PCDHGA2: variants seen among roughly 807,000 people sequenced by gnomAD.
The protein encoded by PCDHGA2 is protocadherin gamma-A2.
Under a neutral mutation model 59.2 loss-of-function variants are expected in PCDHGA2, and 40 were observed. The ratio of observed to expected loss-of-function variants is 0.68; its 90% CI spans 0.52 to 0.88. The LOEUF (loss-of-function observed/expected upper bound fraction) is 0.88, where lower values mean the gene tolerates loss of function less well. PCDHGA2 is among the 40% of genes least tolerant of loss of function. PCDHGA2 has a pLI of 0.00. For synonymous variants in PCDHGA2, 560 were observed against 526.0 expected, an observed-to-expected ratio of 1.06 and a Z score of -0.89; for missense variants, 1,226 against 1,204.0, an observed-to-expected ratio of 1.02 and a Z score of -0.27.
chr5:141,379,104 A>C (rs955091727), intron 1 of PCDHGA2: 1 of 152,246 alleles, frequency 6.6e-6, no homozygotes, highest in Admixed American at 6.5e-5. Flanking sequence ...AGAAAAAAGC[A>C]ATTGAGAAGA....
intron 1 of PCDHGA2, chr5:141,399,277 G>T: frequency 6.2e-7 from 1 of 1,613,890 alleles, no homozygotes; most frequent in Non-Finnish European, 8.5e-7. Flanking sequence ...TCAATTACAA[G>T]GCGAAGTCCC....
At chr5:141,394,506 C>T (rs1487868399) in intron 1 of PCDHGA2, 1 of 1,614,096 alleles carries the variant, frequency 6.2e-7, no homozygotes, top group Non-Finnish European at 8.5e-7. Flanking sequence ...GATCCTGTAC[C>T]CCGCCCTCCC....
Position 141,505,474 on chromosome 5 carries a change from C to T in PCDHGA2, c.2565C>T (p.Ser855=), listed in dbSNP as rs751690779. The stretch of plus-strand genomic sequence containing the variant: ...TGCTGCAAGCCATGATCTTGGCGTC[C>T]GCCAGTGGTAAGTGGTGTCAGTGTG... ...TEMLQAMILA[S]ASEAADGSST... Residue 855 remains serine, a synonymous_variant, in exon 3 of 4, where the codon TCC becomes TCT. Transcript: ENST00000394576. 2.2e-5 allele frequency: 36 copies of T among 1,614,090 alleles called. No individual in the cohort carries two copies. The highest frequency in any genetic ancestry group is 5.3e-5 in the African/African-American group (4 of 74,934).
Position 141,364,604 on chromosome 5 carries a change from C to G in PCDHGA2, c.2424+23209C>G, listed in dbSNP as rs370007558. On this transcript the variant is annotated intron_variant, in intron 1 of 3. Transcript: ENST00000394576. ...CTTGGTCACCGCGGGCAGGATAGAC[C>G]GGGAGGAGCTCTGCGCTCAGAGCCC... 4.1e-5 allele frequency: 66 copies of G among 1,614,044 alleles called. No individual in the cohort carries two copies. Among genetic ancestry groups the G allele is most frequent in the Non-Finnish European group, 5.3e-5 (63 of 1,180,004 alleles).
chr5:141,370,759 T>A, intron 1 of PCDHGA2: 1 of 1,614,022 alleles, frequency 6.2e-7, no homozygotes, highest in Non-Finnish European at 8.5e-7. Context: ...GTAACTGTGC[T>A]GATCCAGGAT....
rs774172640 is a variant in PCDHGA2 at position 141,350,450 on chromosome 5, C to G, written c.2424+9055C>G. 5 of 1,611,784 alleles carry G rather than the reference C, an allele frequency of 3.1e-6. No homozygotes were observed. The Admixed American group carries it at 5.0e-5, about 16-fold the overall frequency. ...TGTCCGGGAGTTGCCAACTCGAAAA[C>G]TGCGGGTTAGTGCAGAGGATTATTT... is the stretch of plus-strand genomic sequence containing the variant. On this transcript the variant is annotated intron_variant, in intron 1 of 3. Transcript: ENST00000394576.
At chr5:141,473,270 T>C (rs538574742) in intron 1 of PCDHGA2, among the ~76,000 whole-genome samples, 4 of 152,326 alleles carry the variant, frequency 2.6e-5, no homozygotes, top group African/African-American at 9.6e-5. Context: ...GTGTATGCTA[T>C]GATTATTTTA....
intron 1 of PCDHGA2, chr5:141,342,120 A>G (rs1413472452): frequency 6.7e-6 from 1 of 148,998 alleles, no homozygotes; most frequent in East Asian, 2.0e-4. Flanking sequence ...CTTTTTTTTT[A>G]TCTTTCTCAT....
At chr5:141,392,870 G>T (rs757363357) in intron 1 of PCDHGA2, 8 of 1,613,226 alleles carry the variant, frequency 5.0e-6, no homozygotes, top group Non-Finnish European at 6.8e-6. Context: ...TGTGCGCGCT[G>T]CTGGGAACGC....
chr5:141,383,347 G>A, intron 1 of PCDHGA2: 1 of 1,614,012 alleles, frequency 6.2e-7, no homozygotes, highest in Non-Finnish European at 8.5e-7. Context: ...AGCTCCTGGG[G>A]TTCGGTTTCC....
chr5:141,389,182 G>T, intron 1 of PCDHGA2: 1 of 1,614,032 alleles, frequency 6.2e-7, no homozygotes, highest in Non-Finnish European at 8.5e-7. Flanking sequence ...CTCTCCTCCA[G>T]TTCCAGCATC....
chr5:141,395,716 T>C (rs2093303538), intron 1 of PCDHGA2: 1 of 154,332 alleles, frequency 6.5e-6, no homozygotes, highest in Non-Finnish European at 1.4e-5. Context: ...AACTAGGCTC[T>C]TGTAGATTTC....
At chr5:141,394,833 G>A (rs867584109) in intron 1 of PCDHGA2, 1 of 1,613,848 alleles carries the variant, frequency 6.2e-7, no homozygotes, top group South Asian at 1.1e-5. Flanking sequence ...AGTCCTGACC[G>A]AGTTGGGCAG....
At chr5:141,355,399 G>T in intron 1 of PCDHGA2, 1 of 1,614,086 alleles carries the variant, frequency 6.2e-7, no homozygotes, top group Non-Finnish European at 8.5e-7. Flanking sequence ...AGTCCGCATC[G>T]TCTCCAGAGG....
chr5:141,418,391 T>G, intron 1 of PCDHGA2: 1 of 1,614,010 alleles, frequency 6.2e-7, no homozygotes, highest in Non-Finnish European at 8.5e-7. Context: ...TAACGAGTAT[T>G]TCTCATTGGT....
At chr5:141,414,583 G>A (rs570765907) in intron 1 of PCDHGA2, 1 of 1,613,736 alleles carries the variant, frequency 6.2e-7, no homozygotes, top group Non-Finnish European at 8.5e-7. Context: ...AGAGAACAAC[G>A]CCAGGGGTGC....
chr5:141,437,030 A>G (rs1246601314), intron 1 of PCDHGA2, among the ~76,000 whole-genome samples: 1 of 152,248 alleles, frequency 6.6e-6, no homozygotes, highest in Non-Finnish European at 1.5e-5. Context: ...CAGAAAATGG[A>G]TCACCGAAAC....
At chr5:141,500,500 C>T (rs6872480) in intron 2 of PCDHGA2, among the ~76,000 whole-genome samples, 1,599 of 152,210 alleles carry the variant, frequency 0.011, 36 homozygotes, top group African/African-American at 0.036. Context: ...TGAGCCACCG[C>T]GCCTGGCCGA....
At chr5:141,424,055 C>T (rs2096796946) in intron 1 of PCDHGA2, 1 of 1,007,784 alleles carries the variant, frequency 9.9e-7, no homozygotes. Flanking sequence ...TTTTGCTGTG[C>T]CTTCACTGAT....
Sources: allele counts gnomAD v4.1 joint callset (sites outside exome capture counted in the v4.1 genomes callset), GRCh38; gene constraint gnomAD v4.1.1; transcripts MANE v1.5; gene names NCBI Gene and HGNC (gene_info 2026-07-23, HGNC 2026-07-21).